Variants in EPB41L5 observed in about 807,000 individuals in gnomAD.
The protein encoded by EPB41L5 is erythrocyte membrane protein band 4.1 like 5.
EPB41L5 carries 55 observed loss-of-function variants against 106.6 expected under a neutral mutation model. That is an observed-to-expected ratio of 0.52 (90% CI 0.42 to 0.65). The LOEUF (loss-of-function observed/expected upper bound fraction) is 0.65. Ranked by LOEUF, EPB41L5 falls within the 30% of genes least tolerant of loss-of-function variation. The pLI is 0.00. For synonymous variants in EPB41L5, 297 were observed against 306.7 expected, an observed-to-expected ratio of 0.97 and a Z score of 0.33; for missense variants, 871 against 882.1, an observed-to-expected ratio of 0.99 and a Z score of 0.16.
intron 3 of EPB41L5, among the ~76,000 whole-genome samples, chr2:120,051,557 A>G (rs1680289152): frequency 2.0e-5 from 3 of 152,132 alleles, no homozygotes; most frequent in African/African-American, 7.2e-5. Flanking sequence ...CGCCTGTATT[A>G]GGTTGGGAGT....
At chr2:120,105,455 G>C (rs1684395083) in intron 16 of EPB41L5, 1 of 985,200 alleles carries the variant, frequency 1.0e-6, no homozygotes, top group African/African-American at 1.7e-5. Flanking sequence ...CTTCCTGCCA[G>C]ACAAAGATTA....
In EPB41L5 at chr2:120,100,145, C is replaced by T. The variant is rs951550599; in HGVS notation, c.1179-99C>T. ...TTTATTTGAAACAAAACGTTAATAT[C>T]TTTAAAATAAATATTTTATTAGTGT... On this transcript the variant is annotated intron_variant, in intron 14 of 24. Coordinates refer to ENST00000263713, the MANE Select transcript of EPB41L5 (RefSeq NM_020909.4). 5.8e-6 allele frequency: 5 copies of T among 865,074 alleles called. No individual in the cohort carries two copies. In the African/African-American group the frequency reaches 8.5e-5, roughly 15 times the overall value. The allele number at this position is 865,074 out of a possible 1,614,324, so 53.6% of individuals were successfully genotyped here. A position where few individuals can be genotyped will look rare whatever the true frequency, so the allele number is the denominator to read the frequency against.
chr2:120,043,964 T>C lies in EPB41L5; in HGVS notation c.285+1854T>C, dbSNP rs186575450. Among the ~76,000 whole-genome samples the C allele has an allele frequency of 2.4e-4, 37 of 151,894 alleles. 1 individual carries two copies. Among genetic ancestry groups the C allele is most frequent in the Admixed American group, 2.2e-3 (34 of 15,264 alleles). On this transcript the variant is annotated intron_variant, in intron 3 of 24. Transcript: ENST00000263713. ...GAGTTTGAGACCAGCCTAGGCAATA[T>C]TGCAAGACCCTGTCTCTACAAAAAT...
chr2:120,105,439 C>T, intron 16 of EPB41L5: 1 of 985,282 alleles, frequency 1.0e-6, no homozygotes, highest in Non-Finnish European at 1.2e-6. Flanking sequence ...TTTTATATCT[C>T]AAATCCTTCC....
At chr2:120,145,908 T>G (rs1030012634) in intron 19 of EPB41L5, among the ~76,000 whole-genome samples, 3 of 151,410 alleles carry the variant, frequency 2.0e-5, no homozygotes. Context: ...ATTGTACCAC[T>G]GCACTCCAGC....
intron 1 of EPB41L5, among the ~76,000 whole-genome samples, chr2:120,017,299 C>G (rs1422489428): frequency 6.6e-6 from 1 of 152,236 alleles, no homozygotes; most frequent in East Asian, 1.9e-4. Context: ...TCTGTATCCC[C>G]TACCTCTTAT....
intron 3 of EPB41L5, among the ~76,000 whole-genome samples, chr2:120,061,427 T>G (rs903084675): frequency 5.3e-5 from 8 of 151,290 alleles, no homozygotes; most frequent in African/African-American, 1.9e-4. Context: ...GTTTCACCGT[T>G]TTAGCCGGGA....
At chr2:120,032,394 A>T (rs1291303317) in intron 2 of EPB41L5, among the ~76,000 whole-genome samples, 1 of 152,212 alleles carries the variant, frequency 6.6e-6, no homozygotes, top group African/African-American at 2.4e-5. Context: ...CAAACAAAAA[A>T]GCTGAAATGA....
chr2:120,098,156 T>TTGTGTGTGTGTATGTG (rs1683883246), intron 14 of EPB41L5, among the ~76,000 whole-genome samples: 1 of 133,670 alleles, frequency 7.5e-6, no homozygotes, highest in Non-Finnish European at 1.6e-5. Context: ...ATTGTTTGTT[T>TTGTGTGTGTGTATGTG]TGTGTGTGTG....
At chr2:120,024,748 C>T (rs867888184) in intron 2 of EPB41L5, among the ~76,000 whole-genome samples, 3 of 152,218 alleles carry the variant, frequency 2.0e-5, no homozygotes, top group South Asian at 2.1e-4. Flanking sequence ...CGTGAGCCAC[C>T]ACGCCCGGCC....
At chr2:120,077,389 G>T (rs1682322327) in intron 9 of EPB41L5, 73 bp downstream of exon 9, 1 of 1,293,374 alleles carries the variant, frequency 7.7e-7, no homozygotes, top group Non-Finnish European at 1.1e-6. Context: ...GAATTTTTCA[G>T]TATGAGGGAG....
intron 3 of EPB41L5, among the ~76,000 whole-genome samples, chr2:120,047,071 G>A (rs1266976651): frequency 3.9e-5 from 6 of 152,228 alleles, no homozygotes; most frequent in African/African-American, 1.4e-4. Flanking sequence ...TAGCCTTGTA[G>A]TATGGTATGA....
chr2:120,045,946 A>G (rs1172571069), intron 3 of EPB41L5, among the ~76,000 whole-genome samples: 1 of 152,016 alleles, frequency 6.6e-6, no homozygotes, highest in Non-Finnish European at 1.5e-5. Flanking sequence ...GCTGAGAATG[A>G]TGGTTTCCTG....
chr2:120,142,904 T>G lies in EPB41L5; in HGVS notation c.1600-99T>G, dbSNP rs1686241867. On this transcript the variant is annotated intron_variant, in intron 18 of 24. Coordinates refer to ENST00000263713, the MANE Select transcript of EPB41L5 (RefSeq NM_020909.4). ...ATATGGCTGCTTAAGACACATGATT[T>G]CCTGATTGTCTGCAGATGAACTTTC... 9 of 1,061,332 alleles carry G rather than the reference T, an allele frequency of 8.5e-6. No homozygotes were observed. In the East Asian group the frequency reaches 2.3e-4, roughly 27 times the overall value. The allele number at this position is 1,061,332 out of a possible 1,614,324, so 65.7% of individuals were successfully genotyped here.
chr2:120,152,428 C>CT (rs1039786372), intron 20 of EPB41L5, among the ~76,000 whole-genome samples: 6 of 151,900 alleles, frequency 3.9e-5, no homozygotes, highest in Non-Finnish European at 8.8e-5. Context: ...TTTTTTAGGA[C>CT]TTTTGTATAT....
chr2:120,158,920 T>C (rs555193713), intron 20 of EPB41L5, among the ~76,000 whole-genome samples: 5 of 152,162 alleles, frequency 3.3e-5, no homozygotes, highest in African/African-American at 1.2e-4. Flanking sequence ...TGTACAAAAA[T>C]CACTAGCATT....
chr2:120,127,942 G>A lies in EPB41L5; in HGVS notation c.1501+91G>A, dbSNP rs1011239541. 7.4e-6 allele frequency: 9 copies of A among 1,217,830 alleles called. No homozygotes were observed. The African/African-American group carries it at 7.6e-5, about 10-fold the overall frequency. 75.4% of individuals were successfully genotyped at this position (1,217,830 alleles called of 1,614,324 possible). On this transcript the variant is annotated intron_variant, in intron 17 of 24. Transcript: ENST00000263713. ...ATCAGCTTCTCCAATAATATTTTTT[G>A]TACTAGTTCAACTTTTAAATTTAAT... is the stretch of plus-strand genomic sequence containing the variant.
chr2:120,133,755 G>C (rs1323430056), intron 18 of EPB41L5, among the ~76,000 whole-genome samples: 1 of 152,196 alleles, frequency 6.6e-6, no homozygotes, highest in African/African-American at 2.4e-5. Flanking sequence ...GGGTACACAT[G>C]ACCTAGAGAG....
chr2:120,068,540 C>T (rs13023565), intron 3 of EPB41L5, among the ~76,000 whole-genome samples: 104,620 of 152,116 alleles, frequency 0.69, 37,548 homozygotes, highest in Non-Finnish European at 0.79. Context: ...TCCGCCGTTA[C>T]TGAGGCTTGA....
Sources: allele counts gnomAD v4.1 joint callset (sites outside exome capture counted in the v4.1 genomes callset), GRCh38; gene constraint gnomAD v4.1.1; transcripts MANE v1.5; gene names NCBI Gene and HGNC (gene_info 2026-07-23, HGNC 2026-07-21).